Variants in LETM2 observed in about 807,000 individuals in gnomAD.
LETM2 encodes the protein LETM1 domain-containing protein LETM2, mitochondrial.
LETM2 carries 58 observed loss-of-function variants against 59.6 expected under a neutral mutation model. The observed-to-expected ratio is 0.97, with a 90% CI of 0.79 to 1.21. The LOEUF (loss-of-function observed/expected upper bound fraction) is 1.21. Among genes scored for constraint, LETM2 ranks in the 50% most tolerant of loss-of-function variants. LETM2 has a pLI of 0.00. For missense variants in LETM2, 572 were observed against 575.7 expected (o/e 0.99, Z 0.07); for synonymous variants, 199 against 214.1 (o/e 0.93, Z 0.62).
At chr8:38,404,566 C>A (rs1431754004) in intron 8 of LETM2, 60 bp downstream of exon 8, 2 of 1,021,606 alleles carry the variant, frequency 2.0e-6, no homozygotes, top group Non-Finnish European at 3.1e-6. Flanking sequence ...TCTCCACAAA[C>A]ACTTGGTGTA....
rs1812376363 is a variant in LETM2, at chr8:38,392,535, A to G, written c.48-7A>G. ...CTTAACTCAGAGGATGTTGCTTTTTATTCCAGATTCCCTAGCCATTTTGTC... is the reference window on the plus strand; with the variant it reads ...CTTAACTCAGAGGATGTTGCTTTTTGTTCCAGATTCCCTAGCCATTTTGTC... On this transcript the variant is annotated splice_polypyrimidine_tract_variant and splice_region_variant and intron_variant, in intron 2 of 10. Transcript: ENST00000379957. 11 of 1,579,416 alleles carry G rather than the reference A, an allele frequency of 7.0e-6. No homozygotes were observed. The East Asian group carries it at 2.5e-4, about 35-fold the overall frequency.
At chr8:38,390,531 A>G (rs1292424873) in intron 2 of LETM2, among the ~76,000 whole-genome samples, 1 of 142,462 alleles carries the variant, frequency 7.0e-6, no homozygotes, top group Non-Finnish European at 1.5e-5. Context: ...CTGAGGCAGG[A>G]GAATCATTTG....
chr8:38,407,033 A>G lies in LETM2; in HGVS notation c.1306A>G (p.Thr436Ala). The change falls in exon 9 of 11, where the codon ACT becomes GCT. Residue 436 changes from threonine to alanine, a missense_variant. Coordinates refer to ENST00000379957, the MANE Select transcript of LETM2 (RefSeq NM_001286819.2). ...MVDLAPQLKG[T>A]KDEDFIQPPP... ...GGATCTTGCACCTCAACTGAAGGGA[A>G]CTAAGGTTAGACAGTTACTTTCCAT... 1.3e-6 allele frequency: 2 copies of G among 1,594,972 alleles called. No individual in the cohort carries two copies. The highest frequency in any genetic ancestry group is 1.7e-6 in the Non-Finnish European group (2 of 1,163,066).
chr8:38,388,394 C>T (rs1275904385), intron 2 of LETM2, among the ~76,000 whole-genome samples: 1 of 151,356 alleles, frequency 6.6e-6, no homozygotes, highest in Non-Finnish European at 1.5e-5. Flanking sequence ...TTTCATCCTT[C>T]TAGATGGAAA....
At chr8:38,390,130 G>A (rs1032835109) in intron 2 of LETM2, among the ~76,000 whole-genome samples, 4 of 152,158 alleles carry the variant, frequency 2.6e-5, no homozygotes, top group African/African-American at 9.6e-5. Context: ...CTGAGCCTGG[G>A]AGGTCGAGGC....
chr8:38,403,273 C>T (rs1195380836), intron 7 of LETM2, among the ~76,000 whole-genome samples: 1 of 152,242 alleles, frequency 6.6e-6, no homozygotes, highest in African/African-American at 2.4e-5. Context: ...TGTAGAATCC[C>T]TTCACACAGC....
In LETM2 at chr8:38,402,619, A is replaced by C; in HGVS notation, c.1079A>C (p.Glu360Ala). ...ATGAGATCACTGGGTCTCACGGAGG[A>C]ACAACTGCGACAACAGCTCACGGAG... ...RGMRSLGLTE[E>A]QLRQQLTEWQ... Residue 360 changes from glutamate (E) to alanine (A), a missense_variant, in exon 7 of 11, where the codon GAA becomes GCA. Transcript: ENST00000379957. 1 of 1,614,150 alleles carries C rather than the reference A, an allele frequency of 6.2e-7. No individual in the cohort carries two copies. Among genetic ancestry groups the C allele is most frequent in the South Asian group, 1.1e-5 (1 of 91,074 alleles).
chr8:38,394,911 A>G (rs1585987582), intron 4 of LETM2, among the ~76,000 whole-genome samples: 1 of 151,606 alleles, frequency 6.6e-6, no homozygotes, highest in Middle Eastern at 3.4e-3. Flanking sequence ...TCCTCCCCCA[A>G]CCCATGGCAG....
rs533363708 is a variant in LETM2, at chr8:38,393,073, C to T, written c.501+78C>T. The T allele has an allele frequency of 1.1e-4, 137 of 1,246,612 alleles. No homozygotes were observed. In the South Asian group the frequency reaches 1.6e-3, roughly 15 times the overall value. The allele number at this position is 1,246,612 out of a possible 1,614,324, so 77.2% of individuals were successfully genotyped here. ...TGGGAACTCAACTATTTAAATTCAA[C>T]GTAAACTTCATCTTAAAAATCCCAG... On this transcript the variant is annotated intron_variant, in intron 3 of 10. Transcript: ENST00000379957.
At chr8:38,403,155 C>G (rs1051543470) in intron 7 of LETM2, among the ~76,000 whole-genome samples, 1 of 152,124 alleles carries the variant, frequency 6.6e-6, no homozygotes, top group Admixed American at 6.6e-5. Flanking sequence ...TCCAATTTCC[C>G]CCGTGTTTGA....
At position 38,408,364 on chromosome 8, in the gene LETM2, C is replaced by T; in HGVS notation, c.*90C>T. On this transcript the variant is annotated 3_prime_UTR_variant, in exon 11 of 11. Coordinates refer to ENST00000379957, the MANE Select transcript of LETM2 (RefSeq NM_001286819.2). ...GGACCTCCCAGATAAGACTGTCTGG[C>T]TTCAGAGAGCGGATCAGCTGTTTAG... is the stretch of plus-strand genomic sequence containing the variant. 1 of 1,122,336 alleles carries T rather than the reference C, an allele frequency of 8.9e-7. No homozygotes were observed. The highest frequency in any genetic ancestry group is 1.3e-6 in the Non-Finnish European group (1 of 759,636). 69.5% of individuals were successfully genotyped at this position (1,122,336 alleles called of 1,614,324 possible). A position where few individuals can be genotyped will look rare whatever the true frequency, so the allele number is the denominator to read the frequency against.
At chr8:38,400,453 G>A (rs750609207) in intron 5 of LETM2, 44 bp downstream of exon 5, 58 of 1,515,260 alleles carry the variant, frequency 3.8e-5, no homozygotes, top group Non-Finnish European at 3.3e-5. Context: ...GGGGCTGGGC[G>A]TTCTATGAAA....
At chr8:38,393,777 G>T in intron 3 of LETM2, 1 of 232,622 alleles carries the variant, frequency 4.3e-6, no homozygotes, top group Non-Finnish European at 8.2e-6. Context: ...GCCCCTAAAA[G>T]TTACTTCAGA....
In LETM2 at chr8:38,408,272, T is replaced by A; in HGVS notation, c.1474T>A (p.Ter492LysextTer4). 2 of 1,612,268 alleles carry A rather than the reference T, an allele frequency of 1.2e-6. No individual in the cohort carries two copies. Among genetic ancestry groups the A allele is most frequent in the South Asian group, 1.1e-5 (1 of 90,544 alleles). ...QNSKASSKGA[*>K] ...CAGCAAGGCTAGTTCAAAAGGAGCA[T>A]AAAGGACTACTTGAGGATGGAGCTC... Residue 492 changes from the stop codon to lysine (K), a stop_lost, in exon 11 of 11, where the codon TAA becomes AAA. Coordinates refer to ENST00000379957, the MANE Select transcript of LETM2 (RefSeq NM_001286819.2).
chr8:38,397,719 T>G (rs1307935045), intron 4 of LETM2, among the ~76,000 whole-genome samples: 3 of 152,034 alleles, frequency 2.0e-5, no homozygotes, highest in Non-Finnish European at 4.4e-5. Flanking sequence ...ATTAGATCTA[T>G]GTTTTGGAGG....
intron 6 of LETM2, 27 bp downstream of exon 6, chr8:38,401,080 A>G: frequency 6.3e-7 from 1 of 1,580,180 alleles, no homozygotes; most frequent in Non-Finnish European, 8.7e-7. Context: ...AGCTCTAGGG[A>G]ATTAGCAAGG....
chr8:38,406,984 CA>C lies in LETM2; in HGVS notation c.1258del (p.Thr420LeufsTer14). On this transcript the variant is annotated frameshift_variant, in exon 9 of 11. Transcript: ENST00000379957. LOFTEE classifies it high-confidence loss of function. The stretch of plus-strand genomic sequence containing the variant: ...ATATTCTTGTGGAATTACCTACTTT[CA>C]CTGAATCTAAAGAGAACATGGTGGA... ...TDILVELPTF[T>X]ESKENMVDLA... is the part of the protein sequence containing the mutation. 6.2e-7 allele frequency: 1 copy of C among 1,612,092 alleles called. No individual in the cohort carries two copies. Among genetic ancestry groups the C allele is most frequent in the Non-Finnish European group, 8.5e-7 (1 of 1,178,152 alleles).
At chr8:38,402,740 T>C (rs1813345855) in intron 7 of LETM2, 96 bp downstream of exon 7, 6 of 1,320,500 alleles carry the variant, frequency 4.5e-6, no homozygotes, top group Non-Finnish European at 6.4e-6. Flanking sequence ...AAGTGAACCG[T>C]CTTACTTAAT....
In LETM2 at chr8:38,403,916, T is replaced by G. The variant is rs576339999; in HGVS notation, c.1105-477T>G. Among the ~76,000 whole-genome samples the G allele has an allele frequency of 3.9e-5, 6 of 152,286 alleles. No individual in the cohort carries two copies. The South Asian group carries it at 1.2e-3, about 32-fold the overall frequency. On this transcript the variant is annotated intron_variant, in intron 7 of 10. Coordinates refer to ENST00000379957, the MANE Select transcript of LETM2 (RefSeq NM_001286819.2). ...CTCTGTCGCCCAGGCTGGAGTGCAG[T>G]GGCACTAACACAGGCCACTGCAGCC...
Sources: gnomAD v4.1 joint callset for allele counts (sites outside exome capture counted in the v4.1 genomes callset) on GRCh38, gnomAD v4.1.1 for gene constraint, MANE v1.5 for transcripts, NCBI Gene and HGNC (gene_info 2026-07-23, HGNC 2026-07-21) for gene names.